ADCY1: variants seen among roughly 807,000 people sequenced by gnomAD.
ADCY1 encodes adenylate cyclase type 1.
ADCY1 carries 28 observed loss-of-function variants against 105.4 expected under a neutral mutation model. The ratio of observed to expected loss-of-function variants is 0.27; its 90% confidence interval spans 0.20 to 0.36. The LOEUF is 0.36. Among genes scored for constraint, ADCY1 ranks in the 10% least tolerant of loss-of-function variants. ADCY1 has a pLI of 1.00. For synonymous variants in ADCY1, 655 were observed against 623.8 expected, an observed-to-expected ratio of 1.05 and a Z score of -0.75; for missense variants, 977 against 1,434.2, an observed-to-expected ratio of 0.68 and a Z score of 5.15.
intron 2 of ADCY1, among the ~76,000 whole-genome samples, chr7:45,600,444 C>T (rs1793199451): frequency 6.6e-6 from 1 of 152,248 alleles, no homozygotes; most frequent in Non-Finnish European, 1.5e-5. Flanking sequence ...ACCCCACTCG[C>T]TGAGGAAGAC....
intron 4 of ADCY1, among the ~76,000 whole-genome samples, chr7:45,639,975 A>G (rs963122435): frequency 6.6e-6 from 1 of 152,236 alleles, no homozygotes; most frequent in African/African-American, 2.4e-5. Flanking sequence ...ACAGAGGAGT[A>G]GTTGAGCAAT....
At chr7:45,672,893 G>A (rs1784391206) in intron 8 of ADCY1, among the ~76,000 whole-genome samples, 1 of 152,134 alleles carries the variant, frequency 6.6e-6, no homozygotes, top group African/African-American at 2.4e-5. Flanking sequence ...CCAGAGCATA[G>A]AAGGAACGTG....
At chr7:45,587,606 A>T (rs1414060559) in intron 1 of ADCY1, among the ~76,000 whole-genome samples, 2 of 152,056 alleles carry the variant, frequency 1.3e-5, no homozygotes, top group Non-Finnish European at 2.9e-5. Context: ...GATGATGTCA[A>T]ATTGGGATAC....
chr7:45,675,797 G>T (rs1400889750), intron 8 of ADCY1, among the ~76,000 whole-genome samples: 1 of 151,864 alleles, frequency 6.6e-6, no homozygotes, highest in Non-Finnish European at 1.5e-5. Context: ...ATTTTCCTTT[G>T]TCTTTTGTTC....
In ADCY1 at chr7:45,678,280, A is replaced by G; in HGVS notation, c.1898+17A>G. ...ATTCCCACAGTGAGTATTTCTATCAACGAGGTGAGGAACTCACCAAGAAGT... is the reference window on the plus strand; with the variant it reads ...ATTCCCACAGTGAGTATTTCTATCAGCGAGGTGAGGAACTCACCAAGAAGT... On this transcript the variant is annotated intron_variant, in intron 10 of 19. Coordinates refer to ENST00000297323, the MANE Select transcript of ADCY1 (RefSeq NM_021116.4). The G allele has an allele frequency of 6.2e-7, 1 of 1,605,236 alleles. No homozygotes were observed. The highest frequency in any genetic ancestry group is 1.3e-5 in the African/African-American group (1 of 74,786).
intron 3 of ADCY1, among the ~76,000 whole-genome samples, chr7:45,615,876 T>TA (rs1173099899): frequency 6.6e-6 from 1 of 151,750 alleles, no homozygotes; most frequent in African/African-American, 2.4e-5. Flanking sequence ...AAATAGAAAA[T>TA]AAAAAACAAT....
In ADCY1 at chr7:45,592,743, C is replaced by G. The variant is rs756054223; in HGVS notation, c.640-16C>G. 1 of 1,613,930 alleles carries G rather than the reference C, an allele frequency of 6.2e-7. No homozygotes were observed. Among genetic ancestry groups the G allele is most frequent in the Non-Finnish European group, 8.5e-7 (1 of 1,179,830 alleles). On this transcript the variant is annotated splice_polypyrimidine_tract_variant and intron_variant, in intron 1 of 19. Transcript: ENST00000297323. ...GGATGTCAGGCTCCACATGTTGCCT[C>G]CTTCTCTCCCTGCAGCTCGGTGCCA... is the stretch of plus-strand genomic sequence containing the variant.
chr7:45,648,254 A>G (rs1447203387), intron 4 of ADCY1, among the ~76,000 whole-genome samples: 2 of 152,214 alleles, frequency 1.3e-5, no homozygotes, highest in African/African-American at 4.8e-5. Flanking sequence ...GGGGGAATCT[A>G]GCACATTCCA....
intron 4 of ADCY1, among the ~76,000 whole-genome samples, chr7:45,635,479 C>T (rs140030987): frequency 0.014 from 2,076 of 150,376 alleles, 24 homozygotes; most frequent in South Asian, 0.059. Context: ...TTTTTTATGT[C>T]TTTTAATATA....
At chr7:45,581,039 G>C (rs946743529) in intron 1 of ADCY1, among the ~76,000 whole-genome samples, 2 of 152,212 alleles carry the variant, frequency 1.3e-5, no homozygotes, top group African/African-American at 4.8e-5. Context: ...TCCTGACTCA[G>C]ACGGAAGCTG....
At position 45,604,994 on chromosome 7, in the gene ADCY1, T is replaced by G. The variant is rs1793335784; in HGVS notation, c.790-5385T>G. Among the ~76,000 whole-genome samples, 2 of 152,200 alleles carry G rather than the reference T, an allele frequency of 1.3e-5. 1 individual carries two copies. The highest frequency in any genetic ancestry group is 4.1e-4 in the South Asian group (2 of 4,832). Reference sequence around the variant, plus strand: ...CCATTTATTTAGATCTTCTCTGATCTCTTTAATCAGTCTTTTATGGTTTTT... The same window carrying G: ...CCATTTATTTAGATCTTCTCTGATCGCTTTAATCAGTCTTTTATGGTTTTT... On this transcript the variant is annotated intron_variant, in intron 2 of 19. Transcript: ENST00000297323.
intron 11 of ADCY1, 29 bp downstream of exon 11, chr7:45,679,822 G>T: frequency 6.2e-7 from 1 of 1,609,730 alleles, no homozygotes; most frequent in Non-Finnish European, 8.5e-7. Context: ...TCCTGTACCT[G>T]CATATCACCT....
chr7:45,688,617 T>A (rs987058836), intron 14 of ADCY1, among the ~76,000 whole-genome samples: 1 of 152,210 alleles, frequency 6.6e-6, no homozygotes, highest in African/African-American at 2.4e-5. Context: ...TTGATTTGAG[T>A]AAGCAAAAGA....
rs769649414 is a variant in ADCY1 at position 45,575,197 on chromosome 7, G to A, written c.639+15G>A. 3 of 1,576,218 alleles carry A rather than the reference G, an allele frequency of 1.9e-6. No individual in the cohort carries two copies. The Admixed American group carries it at 5.4e-5, about 28-fold the overall frequency. On this transcript the variant is annotated intron_variant, in intron 1 of 19. Coordinates refer to ENST00000297323, the MANE Select transcript of ADCY1 (RefSeq NM_021116.4). This position sits in a 1 kb window ranked among gnomAD's most constrained non-coding sequence, Gnocchi z 4.7. ...TCTGGAGGACGGTAAGTGCAGCCGC[G>A]CACCCCTCATCTGGTCTCGGACACA...
intron 8 of ADCY1, among the ~76,000 whole-genome samples, chr7:45,676,524 G>C (rs1784458670): frequency 1.3e-5 from 2 of 152,048 alleles, no homozygotes; most frequent in Admixed American, 1.3e-4. Flanking sequence ...TACAGCATTG[G>C]GGCAGTGTGG....
At chr7:45,641,979 AG>A (rs1258698875) in intron 4 of ADCY1, among the ~76,000 whole-genome samples, 1 of 150,132 alleles carries the variant, frequency 6.7e-6, no homozygotes, top group Non-Finnish European at 1.5e-5. Context: ...TGTTCCAACC[AG>A]GATACAAATG....
chr7:45,583,387 C>T (rs1011561860), intron 1 of ADCY1, among the ~76,000 whole-genome samples: 1 of 152,222 alleles, frequency 6.6e-6, no homozygotes, highest in African/African-American at 2.4e-5. Flanking sequence ...GCACTACAGC[C>T]TCTGAGCCCT....
At position 45,710,132 on chromosome 7, in the gene ADCY1, C is replaced by T. The variant is rs1785197936; in HGVS notation, c.2933-396C>T. On this transcript the variant is annotated intron_variant, in intron 18 of 19. Coordinates refer to ENST00000297323, the MANE Select transcript of ADCY1 (RefSeq NM_021116.4). The surrounding 1 kb of genome is among the most constrained non-coding windows in gnomAD (Gnocchi z 4.7). ...TGCTATTTTTCTGGAAGAGAGGATG[C>T]ACTTGGAGACATACCCTGTAATCAC... Among the ~76,000 whole-genome samples the T allele has an allele frequency of 6.6e-6, 1 of 152,206 alleles. No individual in the cohort carries two copies. Among genetic ancestry groups the T allele is most frequent in the South Asian group, 2.1e-4 (1 of 4,830 alleles).
At chr7:45,603,462 C>T (rs1793294048) in intron 2 of ADCY1, among the ~76,000 whole-genome samples, 4 of 151,538 alleles carry the variant, frequency 2.6e-5, no homozygotes, top group Admixed American at 1.3e-4. Context: ...TATTCAGAAT[C>T]TTTTTTTTTG....
Sources: gnomAD v4.1 joint callset for allele counts (sites outside exome capture counted in the v4.1 genomes callset) on GRCh38, gnomAD v4.1.1 for gene constraint, Gnocchi (gnomAD v3.1) non-coding constraint, MANE v1.5 for transcripts, NCBI Gene and HGNC (gene_info 2026-07-23, HGNC 2026-07-21) for gene names.